The following FOCAD variants were observed in gnomAD, a reference collection of about 807,000 sequenced individuals.
The protein encoded by FOCAD is focadhesin.
In FOCAD, 198 loss-of-function variants were observed where a neutral mutation model predicts 225.6. The observed-to-expected ratio is 0.88, with a 90% CI of 0.78 to 0.99. The LOEUF (loss-of-function observed/expected upper bound fraction) is 0.99. Among genes scored for constraint, FOCAD ranks in the 50% least tolerant of loss-of-function variants. FOCAD has a pLI of 0.00. For missense variants in FOCAD, 2,713 were observed against 2,123.6 expected, an observed-to-expected ratio of 1.28 and a Z score of -5.46; for synonymous variants, 897 against 755.0, an observed-to-expected ratio of 1.19 and a Z score of -3.08.
chr9:20,701,609 G>A (rs1221885658), intron 1 of FOCAD, among the ~76,000 whole-genome samples: 9 of 152,168 alleles, frequency 5.9e-5, no homozygotes, highest in African/African-American at 1.9e-4. Flanking sequence ...GTTATCCTTT[G>A]TTACCTACTC....
At chr9:20,721,038 T>A (rs1362522685) in intron 4 of FOCAD, among the ~76,000 whole-genome samples, 1 of 152,220 alleles carries the variant, frequency 6.6e-6, no homozygotes, top group Non-Finnish European at 1.5e-5. Context: ...ATTTGTTTGG[T>A]ATGACCATAT....
rs771891738 is a variant in FOCAD, at chr9:20,770,070, T to C, written c.738T>C (p.Phe246=). Reference sequence around the variant, plus strand: ...TACAGACAACAGAGGCGATGATGTTTATTGAGGAAGTATGTTTAAGCCTTT... The same window carrying C: ...TACAGACAACAGAGGCGATGATGTTCATTGAGGAAGTATGTTTAAGCCTTT... The part of the protein sequence containing the change: ...DLIQTTEAMM[F]IEEVCLSLLR... The change falls in exon 8 of 44, where the codon TTT becomes TTC. Residue 246 remains phenylalanine (F), a synonymous_variant. Coordinates refer to ENST00000338382, the MANE Select transcript of FOCAD (RefSeq NM_001375567.1). 3.1e-6 allele frequency: 5 copies of C among 1,614,116 alleles called. No homozygotes were observed. The highest frequency in any genetic ancestry group is 4.5e-5 in the East Asian group (2 of 44,876).
chr9:20,993,284 GCC>G lies in FOCAD; in HGVS notation c.5290_5291del (p.Pro1764Ter). On this transcript the variant is annotated frameshift_variant, in exon 43 of 44. Coordinates refer to ENST00000338382, the MANE Select transcript of FOCAD (RefSeq NM_001375567.1). LOFTEE classifies it high-confidence loss of function. ...GACTGGCTATTCAGCATCATGGAAAGCCCTAAAGAAGCCCTCTCAGCACAGTC... is the reference window on the plus strand; with the variant it reads ...GACTGGCTATTCAGCATCATGGAAAGCTAAAGAAGCCCTCTCAGCACAGTC... The G allele has an allele frequency of 6.2e-7, 1 of 1,613,990 alleles. No individual in the cohort carries two copies. Among genetic ancestry groups the G allele is most frequent in the Non-Finnish European group, 8.5e-7 (1 of 1,179,940 alleles).
At chr9:20,716,951 T>G (rs938286494) in intron 2 of FOCAD, among the ~76,000 whole-genome samples, 4 of 152,216 alleles carry the variant, frequency 2.6e-5, no homozygotes, top group Non-Finnish European at 5.9e-5. Context: ...CACAGTATAA[T>G]GGTGCAACTT....
At chr9:20,919,348 C>A (rs971954091) in intron 24 of FOCAD, among the ~76,000 whole-genome samples, 2 of 152,110 alleles carry the variant, frequency 1.3e-5, no homozygotes, top group African/African-American at 4.8e-5. Context: ...TTCCATGTTC[C>A]TGGGTAGGAA....
chr9:20,906,413 G>T (rs1240759682), intron 21 of FOCAD, among the ~76,000 whole-genome samples: 1 of 151,910 alleles, frequency 6.6e-6, no homozygotes, highest in Admixed American at 6.6e-5. Flanking sequence ...GAAATGTGAT[G>T]CACTGTGACT....
At chr9:20,695,086 T>C (rs1247712549) in intron 1 of FOCAD, among the ~76,000 whole-genome samples, 2 of 152,268 alleles carry the variant, frequency 1.3e-5, no homozygotes, top group Non-Finnish European at 2.9e-5. Context: ...GGACTTGATC[T>C]ATTGCTCTGC....
intron 28 of FOCAD, among the ~76,000 whole-genome samples, chr9:20,942,479 G>A (rs1275881910): frequency 3.3e-5 from 5 of 152,056 alleles, no homozygotes; most frequent in African/African-American, 1.2e-4. Context: ...AAATTAGTCT[G>A]GCAAGAAACA....
intron 15 of FOCAD, among the ~76,000 whole-genome samples, chr9:20,861,570 C>T (rs1236228504): frequency 1.3e-5 from 2 of 152,166 alleles, no homozygotes; most frequent in Admixed American, 1.3e-4. Context: ...CTCAGAAATA[C>T]TCTGTCTACT....
At chr9:20,981,112 C>A (rs75485350) in intron 37 of FOCAD, among the ~76,000 whole-genome samples, 31 of 152,156 alleles carry the variant, frequency 2.0e-4, no homozygotes, top group African/African-American at 7.5e-4. Context: ...CATGTACTTT[C>A]AGAAGTAGCA....
chr9:20,659,249 A>G (rs778666329), intron 2 of FOCAD, among the ~76,000 whole-genome samples: 5 of 140,568 alleles, frequency 3.6e-5, no homozygotes, highest in Non-Finnish European at 6.2e-5. Flanking sequence ...AAAAAATTTA[A>G]AAAGAAAGTT....
chr9:20,897,893 A>G lies in FOCAD; in HGVS notation c.2626-9257A>G, dbSNP rs1020700169. Among the ~76,000 whole-genome samples the G allele has an allele frequency of 2.2e-4, 34 of 151,840 alleles. 1 individual carries two copies. Among genetic ancestry groups the G allele is most frequent in the Admixed American group, 2.0e-3 (30 of 15,214 alleles). ...TCTCTATAATTTGCTTACTCCCTAA[A>G]AAAACTTTAAACATTTCCTGCAAGG... is the stretch of plus-strand genomic sequence containing the variant. On this transcript the variant is annotated intron_variant, in intron 21 of 43. Coordinates refer to ENST00000338382, the MANE Select transcript of FOCAD (RefSeq NM_001375567.1).
Position 20,991,882 on chromosome 9 carries a change from G to A in FOCAD, c.5257-1371G>A, listed in dbSNP as rs551002996. Among the ~76,000 whole-genome samples the A allele has an allele frequency of 5.4e-4, 81 of 150,964 alleles. 1 individual carries two copies. The highest frequency in any genetic ancestry group is 1.8e-3 in the African/African-American group (75 of 41,016). On this transcript the variant is annotated intron_variant, in intron 42 of 43. Coordinates refer to ENST00000338382, the MANE Select transcript of FOCAD (RefSeq NM_001375567.1). ...TATTATTTCTGGACTGGGATACCACGTTCCCTTTGGACTACAATGTAGACC... is the reference window on the plus strand; with the variant it reads ...TATTATTTCTGGACTGGGATACCACATTCCCTTTGGACTACAATGTAGACC...
At chr9:20,736,150 A>G (rs980840865) in intron 4 of FOCAD, among the ~76,000 whole-genome samples, 5 of 152,152 alleles carry the variant, frequency 3.3e-5, no homozygotes, top group African/African-American at 1.2e-4. Context: ...GCTGATGCCA[A>G]ATTAGAAATG....
chr9:20,844,277 A>G (rs1035995467), intron 15 of FOCAD, among the ~76,000 whole-genome samples: 6 of 151,468 alleles, frequency 4.0e-5, no homozygotes, highest in African/African-American at 1.5e-4. Flanking sequence ...CCTACTGTGC[A>G]TAAGGCACTT....
At chr9:20,679,193 G>A (rs10964655) in intron 2 of FOCAD, among the ~76,000 whole-genome samples, 32,171 of 149,336 alleles carry the variant, frequency 0.22, 3,765 homozygotes, top group African/African-American at 0.31. Flanking sequence ...GGTGTGTGGT[G>A]CAGGGGAGGG....
chr9:20,797,661 T>A (rs1821278692), intron 11 of FOCAD, among the ~76,000 whole-genome samples: 1 of 152,206 alleles, frequency 6.6e-6, no homozygotes, highest in Non-Finnish European at 1.5e-5. Context: ...GCATTGATTT[T>A]GCAAAATCAT....
At chr9:20,790,524 C>T (rs1563994014) in intron 11 of FOCAD, among the ~76,000 whole-genome samples, 2 of 152,166 alleles carry the variant, frequency 1.3e-5, no homozygotes, top group African/African-American at 4.8e-5. Flanking sequence ...GTAATCCCAG[C>T]ACTTTGGAAG....
At chr9:20,770,377 A>T in intron 8 of FOCAD, 139 bp downstream of exon 8, 1 of 764,320 alleles carries the variant, frequency 1.3e-6, no homozygotes, top group Non-Finnish European at 2.1e-6. Context: ...GCATCTGCTT[A>T]GCTTCTGGGG....
Sources: allele counts gnomAD v4.1 joint callset (sites outside exome capture counted in the v4.1 genomes callset), GRCh38; gene constraint gnomAD v4.1.1; transcripts MANE v1.5; gene names NCBI Gene and HGNC (gene_info 2026-07-23, HGNC 2026-07-21).